Variants in CSMD1 observed in about 807,000 individuals in gnomAD.
CSMD1 encodes CUB and Sushi multiple domains 1, also known as CUB and sushi domain-containing protein 1.
In CSMD1, 213 loss-of-function variants were observed where a neutral mutation model predicts 417.5. The ratio of observed to expected loss-of-function variants is 0.51; its 90% CI spans 0.46 to 0.57. The LOEUF (loss-of-function observed/expected upper bound fraction) is 0.57. Ranked by LOEUF, CSMD1 falls within the 20% of genes least tolerant of loss-of-function variation. The pLI, the probability that CSMD1 is intolerant of heterozygous loss-of-function variation, is 0.00. For synonymous variants in CSMD1, 2,862 were observed against 1,736.8 expected, an observed-to-expected ratio of 1.65 and a Z score of -16.11; for missense variants, 6,923 against 4,529.7, an observed-to-expected ratio of 1.53 and a Z score of -15.17.
chr8:3,507,026 G>C (rs1424150059), intron 10 of CSMD1, among the ~76,000 whole-genome samples: 2 of 152,194 alleles, frequency 1.3e-5, no homozygotes, highest in African/African-American at 2.4e-5. Context: ...TGTAAGAATT[G>C]AACAAACGTA....
intron 3 of CSMD1, among the ~76,000 whole-genome samples, chr8:4,341,256 G>A (rs1277099932): frequency 6.6e-6 from 1 of 152,042 alleles, no homozygotes; most frequent in African/African-American, 2.4e-5. Flanking sequence ...GTATTTTTCA[G>A]AAGGCAGTTG....
chr8:4,787,985 G>A (rs1797498911), intron 1 of CSMD1: 4 of 1,594,998 alleles, frequency 2.5e-6, no homozygotes, highest in Admixed American at 1.7e-5. Flanking sequence ...GAAGCCAACA[G>A]AAAGACAAAC....
chr8:4,697,950 C>A (rs76314822), intron 1 of CSMD1, among the ~76,000 whole-genome samples: 4 of 152,128 alleles, frequency 2.6e-5, no homozygotes, highest in Admixed American at 2.6e-4. Context: ...CCTGTCAAGA[C>A]AAATAGTGAT....
chr8:4,254,649 C>A (rs145167643), intron 3 of CSMD1, among the ~76,000 whole-genome samples: 2 of 152,180 alleles, frequency 1.3e-5, no homozygotes, highest in South Asian at 2.1e-4. Context: ...TCTGTGGTAA[C>A]TGCCGTAGAC....
intron 5 of CSMD1, among the ~76,000 whole-genome samples, chr8:3,966,177 G>C (rs375197971): frequency 3.3e-5 from 5 of 152,272 alleles, no homozygotes; most frequent in Admixed American, 6.5e-5. Flanking sequence ...AGGAGAAAAT[G>C]TCTAAGGTAC....
chr8:4,462,916 T>C (rs1028615616), intron 2 of CSMD1, among the ~76,000 whole-genome samples: 1 of 152,178 alleles, frequency 6.6e-6, no homozygotes, highest in African/African-American at 2.4e-5. Context: ...CAAAGTCTTC[T>C]TAGATATGAC....
At chr8:4,624,129 T>G (rs533236629) in intron 2 of CSMD1, among the ~76,000 whole-genome samples, 1 of 152,268 alleles carries the variant, frequency 6.6e-6, no homozygotes, top group South Asian at 2.1e-4. Context: ...ACCAAAATTC[T>G]AATTTAGGAA....
intron 3 of CSMD1, among the ~76,000 whole-genome samples, chr8:4,233,438 TG>T (rs1451154212): frequency 1.2e-4 from 18 of 152,184 alleles, no homozygotes; most frequent in Non-Finnish European, 2.1e-4. Context: ...CCGAATGTGA[TG>T]GTATTTGGAG....
chr8:3,182,228 T>TA lies in CSMD1; in HGVS notation c.5621-1015dup, dbSNP rs143434004. 2.0e-3 allele frequency among the ~76,000 whole-genome samples: 308 copies of TA among 152,300 alleles called. 3 individuals carry two copies. The highest frequency in any genetic ancestry group is 3.4e-3 in the Non-Finnish European group (228 of 68,022). On this transcript the variant is annotated intron_variant, in intron 36 of 69. Coordinates refer to ENST00000635120, the MANE Select transcript of CSMD1 (RefSeq NM_033225.6). The stretch of plus-strand genomic sequence containing the variant: ...TGTCTATCATCCTTAGCTCACCACT[T>TA]AAACTATCCAATATCCCCCAACAGA...
intron 3 of CSMD1, among the ~76,000 whole-genome samples, chr8:4,255,686 G>C (rs927875741): frequency 6.6e-6 from 1 of 152,142 alleles, no homozygotes; most frequent in Non-Finnish European, 1.5e-5. Context: ...GAAGAGTTAA[G>C]GTAGTTGAAT....
Position 2,938,558 on chromosome 8 carries a change from G to C in CSMD1, c.*27C>G. The C allele has an allele frequency of 6.3e-7, 1 of 1,597,382 alleles. No homozygotes were observed. The highest frequency in any genetic ancestry group is 8.5e-7 in the Non-Finnish European group (1 of 1,170,522). On this transcript the variant is annotated 3_prime_UTR_variant, in exon 70 of 70. Coordinates refer to ENST00000635120, the MANE Select transcript of CSMD1 (RefSeq NM_033225.6). ...GCTTGTCCATCAGAGGTATGGCTATGAATCAGTCCTGTTGGGGCACTGAGG... is the reference window on the plus strand; with the variant it reads ...GCTTGTCCATCAGAGGTATGGCTATCAATCAGTCCTGTTGGGGCACTGAGG...
intron 5 of CSMD1, among the ~76,000 whole-genome samples, chr8:3,987,200 C>A (rs906813327): frequency 6.6e-6 from 1 of 152,146 alleles, no homozygotes; most frequent in Non-Finnish European, 1.5e-5. Flanking sequence ...TTACACACAC[C>A]GTGCCCACAA....
intron 3 of CSMD1, among the ~76,000 whole-genome samples, chr8:4,116,085 G>A (rs563577260): frequency 1.9e-4 from 29 of 151,710 alleles, no homozygotes; most frequent in Admixed American, 7.2e-4. Context: ...TGCAACCTCC[G>A]CCTCCTGGGT....
intron 5 of CSMD1, among the ~76,000 whole-genome samples, chr8:3,942,896 T>C (rs994911311): frequency 2.6e-5 from 4 of 152,170 alleles, no homozygotes; most frequent in Non-Finnish European, 5.9e-5. Context: ...GAATACATCA[T>C]TGTGATACTT....
chr8:3,462,357 G>C (rs753851179), intron 12 of CSMD1, among the ~76,000 whole-genome samples: 2 of 152,144 alleles, frequency 1.3e-5, no homozygotes, highest in East Asian at 1.9e-4. Context: ...ACCAGTACTC[G>C]TCCATGGCCT....
rs147126875 is a variant in CSMD1 at position 4,200,754 on chromosome 8, C to G, written c.416-168655G>C. Among the ~76,000 whole-genome samples the G allele has an allele frequency of 3.7e-4, 56 of 152,264 alleles. 1 individual carries two copies. Among genetic ancestry groups the G allele is most frequent in the Middle Eastern group, 3.4e-3 (1 of 294 alleles). On this transcript the variant is annotated intron_variant, in intron 3 of 69. Coordinates refer to ENST00000635120, the MANE Select transcript of CSMD1 (RefSeq NM_033225.6). ...GTGTGTATCTGTAGTCCCAACTACT[C>G]TGGCGACTGAGATGGGAGGATTTGT...
intron 5 of CSMD1, among the ~76,000 whole-genome samples, chr8:3,819,842 G>C (rs1195053859): frequency 6.6e-6 from 1 of 152,090 alleles, no homozygotes; most frequent in Non-Finnish European, 1.5e-5. Flanking sequence ...ATCGCACCTG[G>C]CCTGAAAGTG....
intron 5 of CSMD1, among the ~76,000 whole-genome samples, chr8:3,983,084 A>C (rs574157707): frequency 2.3e-3 from 342 of 151,842 alleles, no homozygotes; most frequent in Non-Finnish European, 3.7e-3. Context: ...GGAGCCTCTA[A>C]TGATGTAAAA....
chr8:3,551,989 T>C (rs1435553363), intron 10 of CSMD1, among the ~76,000 whole-genome samples: 2 of 152,288 alleles, frequency 1.3e-5, no homozygotes, highest in African/African-American at 4.8e-5. Context: ...GATCTCACAG[T>C]GGCAGAAACA....
Sources: gnomAD v4.1 joint callset for allele counts (sites outside exome capture counted in the v4.1 genomes callset) on GRCh38, gnomAD v4.1.1 for gene constraint, MANE v1.5 for transcripts, NCBI Gene and HGNC (gene_info 2026-07-23, HGNC 2026-07-21) for gene names.